The following SEMA5B variants were observed in gnomAD, a reference collection of about 807,000 sequenced individuals.
SEMA5B encodes the protein semaphorin 5B.
A neutral mutation model predicts 135.0 loss-of-function variants in SEMA5B; 66 were observed. The observed-to-expected ratio is 0.49, with a 90% CI of 0.40 to 0.60. SEMA5B has a LOEUF of 0.60. Among genes scored for constraint, SEMA5B ranks in the 20% least tolerant of loss-of-function variants. SEMA5B has a pLI of 0.00. For synonymous variants in SEMA5B, 690 were observed against 639.5 expected (o/e 1.08, Z -1.19); for missense variants, 1,501 against 1,566.3 (o/e 0.96, Z 0.70).
At chr3:122,948,468 C>A in intron 3 of SEMA5B, 38 bp downstream of exon 3, 1 of 1,548,896 alleles carries the variant, frequency 6.5e-7, no homozygotes, top group Non-Finnish European at 8.8e-7. Flanking sequence ...CAGGACACGG[C>A]CATTGCAAGA....
chr3:122,910,723 T>C (rs1937638924), intron 22 of SEMA5B, 117 bp downstream of exon 22: 2 of 764,574 alleles, frequency 2.6e-6, no homozygotes, highest in Admixed American at 3.1e-5. Flanking sequence ...GGCAGGAGAA[T>C]GGCGTGAACC....
At chr3:122,946,085 T>C (rs1939781486) in intron 3 of SEMA5B, among the ~76,000 whole-genome samples, 2 of 152,180 alleles carry the variant, frequency 1.3e-5, no homozygotes, top group African/African-American at 2.4e-5. Flanking sequence ...CTTTGGACGG[T>C]GACTTTAAGA....
intron 5 of SEMA5B, among the ~76,000 whole-genome samples, chr3:122,935,195 G>C (rs1227540384): frequency 6.6e-6 from 1 of 152,310 alleles, no homozygotes; most frequent in Admixed American, 6.5e-5. Context: ...CTTGTAGGGT[G>C]CTGGGTGAGG....
At chr3:122,983,991 G>A (rs1187074702) in intron 1 of SEMA5B, among the ~76,000 whole-genome samples, 1 of 152,196 alleles carries the variant, frequency 6.6e-6, no homozygotes, top group Non-Finnish European at 1.5e-5. Context: ...CGAGAGTTTG[G>A]CTCTTAGGAA....
chr3:123,026,547 C>T (rs1223697174), intron 1 of SEMA5B, among the ~76,000 whole-genome samples: 1 of 152,072 alleles, frequency 6.6e-6, no homozygotes, highest in African/African-American at 2.4e-5. Context: ...TCCGTTGGGC[C>T]GGGTTTTCTC....
chr3:122,966,554 A>ATTTTTTTTTTTTTTTTT (rs1335935235), intron 1 of SEMA5B, among the ~76,000 whole-genome samples: 2 of 147,072 alleles, frequency 1.4e-5, no homozygotes, highest in African/African-American at 5.2e-5. Context: ...TATTATTATT[A>ATTTTTTTTTTTTTTTTT]TTATTATTAT....
intron 1 of SEMA5B, among the ~76,000 whole-genome samples, chr3:123,004,220 C>A (rs1236558299): frequency 6.6e-6 from 1 of 152,196 alleles, no homozygotes; most frequent in Admixed American, 6.5e-5. Context: ...TTTAGTTATC[C>A]ATTTTCCAAG....
In SEMA5B at chr3:122,913,556, T is replaced by A. The variant is rs770601435; in HGVS notation, c.2258A>T (p.Asn753Ile). ...QSRRRACENG[N>I]SCLGCGVEFK... ...CACCACGCCGCAGCCCAGGCAGGAG[T>A]TGCCGTTCTCGCAGGCCCGACGCCG... The change falls in exon 16 of 23, where the codon AAC (asparagine) becomes ATC (isoleucine). Residue 753 changes from asparagine to isoleucine, a missense_variant. By Grantham distance (149) the Asn-to-Ile change is moderately radical. This residue lies in a region of SEMA5B where 927 missense variants were observed against 881.6 expected (regional missense o/e 1.05). Transcript: ENST00000357599. 2.5e-6 allele frequency: 4 copies of A among 1,611,814 alleles called. No individual in the cohort carries two copies. In the Admixed American group the frequency reaches 5.0e-5, roughly 20 times the overall value.
chr3:122,926,393 C>T lies in SEMA5B; in HGVS notation c.1135G>A (p.Val379Ile), dbSNP rs568213430. ...DLIYGVFTTN[V>I]NSIAASAVCA... ...GGGCTGGCAGAGGGCAGGACTCACA[C>T]GTTGGTTGTGAAAACTCCATAGATG... The change falls in exon 9 of 23, where the codon GTA becomes ATA. Residue 379 changes from valine (V) to isoleucine (I), a missense_variant and splice_region_variant. By Grantham distance (29) the Val-to-Ile change is conservative. Around this residue, in one of 2 missense-constraint regions of SEMA5B, gnomAD observed 574 missense variants for 684.7 expected, o/e 0.84. Coordinates refer to ENST00000357599, the MANE Select transcript of SEMA5B (RefSeq NM_001031702.4). 1.7e-5 allele frequency: 27 copies of T among 1,609,792 alleles called. No homozygotes were observed. Among genetic ancestry groups the T allele is most frequent in the South Asian group, 7.7e-5 (7 of 90,612 alleles).
chr3:122,979,974 G>T (rs1320175412), intron 1 of SEMA5B, among the ~76,000 whole-genome samples: 1 of 152,182 alleles, frequency 6.6e-6, no homozygotes, highest in Non-Finnish European at 1.5e-5. Context: ...TGGGCCATAC[G>T]CAATAGCTCG....
intron 4 of SEMA5B, among the ~76,000 whole-genome samples, chr3:122,941,569 T>C (rs1472741329): frequency 6.6e-6 from 1 of 152,258 alleles, no homozygotes; most frequent in African/African-American, 2.4e-5. Context: ...TAAATACATG[T>C]GTGATTTACT....
chr3:122,975,865 A>G (rs1406795345), intron 1 of SEMA5B: 4 of 1,240,370 alleles, frequency 3.2e-6, no homozygotes, highest in Non-Finnish European at 4.4e-6. Context: ...AACCAAATCC[A>G]AACACCCTGC....
chr3:122,912,687 G>A (rs1576326682), intron 18 of SEMA5B, among the ~76,000 whole-genome samples, 156 bp downstream of exon 18: 1 of 152,128 alleles, frequency 6.6e-6, no homozygotes, highest in South Asian at 2.1e-4. Flanking sequence ...ATCTACGGCC[G>A]GGGCAGAAAT....
chr3:122,912,548 C>A (rs1477424524), intron 18 of SEMA5B, among the ~76,000 whole-genome samples: 3 of 152,020 alleles, frequency 2.0e-5, no homozygotes, highest in African/African-American at 7.2e-5. Flanking sequence ...AGCAGAGACA[C>A]CCGGAGGGAG....
Position 122,928,015 on chromosome 3 carries a change from G to A in SEMA5B, c.637-12C>T, listed in dbSNP as rs373365991. On this transcript the variant is annotated splice_polypyrimidine_tract_variant and intron_variant, in intron 7 of 22. Coordinates refer to ENST00000357599, the MANE Select transcript of SEMA5B (RefSeq NM_001031702.4). ...CTGAGGTTCCCCACCTGGGGACAAT[G>A]GGGAGAAGGGGACACTTTTCCCTGA... is the stretch of plus-strand genomic sequence containing the variant. The A allele has an allele frequency of 5.5e-6, 8 of 1,449,632 alleles. No homozygotes were observed. The highest frequency in any genetic ancestry group is 7.3e-6 in the Non-Finnish European group (8 of 1,095,958). The allele number at this position is 1,449,632 out of a possible 1,614,324, so 89.8% of individuals were successfully genotyped here.
chr3:122,973,096 C>T lies in SEMA5B; in HGVS notation c.-38-11795G>A, dbSNP rs1333451742. Reference sequence around the variant, plus strand: ...TCTAAGAGGTAACCATAGTTAGATCCCAAGGTCTCCAGAAAAATCACTCAT... The same window carrying T: ...TCTAAGAGGTAACCATAGTTAGATCTCAAGGTCTCCAGAAAAATCACTCAT... On this transcript the variant is annotated intron_variant, in intron 1 of 22. Coordinates refer to ENST00000357599, the MANE Select transcript of SEMA5B (RefSeq NM_001031702.4). Among the ~76,000 whole-genome samples the T allele has an allele frequency of 2.6e-5, 4 of 152,254 alleles. No homozygotes were observed. In the East Asian group the frequency reaches 7.7e-4, roughly 29 times the overall value.
chr3:122,919,908 C>G (rs1282299067), intron 12 of SEMA5B, among the ~76,000 whole-genome samples: 2 of 152,178 alleles, frequency 1.3e-5, no homozygotes, highest in African/African-American at 2.4e-5. Context: ...GCACACTACA[C>G]AAGCTCCCCA....
In SEMA5B at chr3:123,009,876, G is replaced by A. The variant is rs567239834; in HGVS notation, c.-39+17588C>T. Among the ~76,000 whole-genome samples the A allele has an allele frequency of 2.7e-4, 41 of 152,268 alleles. No homozygotes were observed. The Middle Eastern group carries it at 0.01, about 38-fold the overall frequency. ...AGGCCTTGGTGCCTGGCTTTGGGCT[G>A]GGCAAAGAGACACAAAGACAAATGC... On this transcript the variant is annotated intron_variant, in intron 1 of 22. Coordinates refer to ENST00000357599, the MANE Select transcript of SEMA5B (RefSeq NM_001031702.4).
At position 122,997,352 on chromosome 3, in the gene SEMA5B, C is replaced by T. The variant is rs564620347; in HGVS notation, c.-39+30112G>A. On this transcript the variant is annotated intron_variant, in intron 1 of 22. Coordinates refer to ENST00000357599, the MANE Select transcript of SEMA5B (RefSeq NM_001031702.4). ...CCTCTCCTCTAGCTCCTCCTCTTCTCGCCTATCCTTCTTGCATCTCCTCTC... is the reference window on the plus strand; with the variant it reads ...CCTCTCCTCTAGCTCCTCCTCTTCTTGCCTATCCTTCTTGCATCTCCTCTC... Among the ~76,000 whole-genome samples, 3 of 152,252 alleles carry T rather than the reference C, an allele frequency of 2.0e-5. No individual in the cohort carries two copies. In the South Asian group the frequency reaches 6.2e-4, roughly 32 times the overall value.
Sources: allele counts gnomAD v4.1 joint callset (sites outside exome capture counted in the v4.1 genomes callset), GRCh38; gene constraint gnomAD v4.1.1; regional missense constraint gnomAD v4.1.1; transcripts MANE v1.5; gene names NCBI Gene and HGNC (gene_info 2026-07-23, HGNC 2026-07-21).